The following RIPOR2 variants were observed in gnomAD, a reference collection of about 807,000 sequenced individuals.
RIPOR2 encodes rho family-interacting cell polarization regulator 2.
RIPOR2 carries 39 observed loss-of-function variants against 114.5 expected under a neutral mutation model. That is an observed-to-expected ratio of 0.34 (90% CI 0.26 to 0.44). The LOEUF (loss-of-function observed/expected upper bound fraction) is 0.44, where lower values mean the gene tolerates loss of function less well. Ranked by LOEUF, RIPOR2 falls within the 20% of genes least tolerant of loss-of-function variation. The pLI is 1.00. For missense variants in RIPOR2, 1,007 were observed against 1,255.1 expected (o/e 0.80, Z 2.99); for synonymous variants, 445 against 484.4 (o/e 0.92, Z 1.07).
At chr6:24,983,050 G>T (rs977034061) in intron 1 of RIPOR2, among the ~76,000 whole-genome samples, 3 of 152,020 alleles carry the variant, frequency 2.0e-5, no homozygotes, top group African/African-American at 7.2e-5. Context: ...TTAAAAACCT[G>T]CTTGTAACTG....
intron 1 of RIPOR2, among the ~76,000 whole-genome samples, chr6:24,993,067 T>A (rs1461156076): frequency 1.3e-5 from 2 of 152,174 alleles, no homozygotes; most frequent in Non-Finnish European, 2.9e-5. Context: ...TGTTTGTATT[T>A]CTGTCAGATC....
At chr6:24,828,989 G>T (rs1760436931) in intron 17 of RIPOR2, among the ~76,000 whole-genome samples, 1 of 152,050 alleles carries the variant, frequency 6.6e-6, no homozygotes, top group South Asian at 2.1e-4. Context: ...TCAAATTATT[G>T]ATTATAGCAA....
At chr6:24,947,122 A>G (rs1372314480) in intron 1 of RIPOR2, among the ~76,000 whole-genome samples, 3 of 152,166 alleles carry the variant, frequency 2.0e-5, no homozygotes, top group Non-Finnish European at 4.4e-5. Context: ...TGTTTTTTTA[A>G]AGATTCCGTG....
intron 1 of RIPOR2, among the ~76,000 whole-genome samples, chr6:24,929,627 C>T (rs1257284327): frequency 3.3e-5 from 5 of 152,122 alleles, no homozygotes; most frequent in African/African-American, 9.7e-5. Context: ...TCAACTAATA[C>T]CTTTTCTCTT....
At chr6:24,822,322 C>T (rs1033819209) in intron 19 of RIPOR2, among the ~76,000 whole-genome samples, 2 of 152,184 alleles carry the variant, frequency 1.3e-5, no homozygotes, top group Admixed American at 1.3e-4. Context: ...AATATTGTAA[C>T]CATGTGTGTA....
chr6:24,863,055 C>T (rs1337099563), intron 7 of RIPOR2, among the ~76,000 whole-genome samples: 3 of 151,976 alleles, frequency 2.0e-5, no homozygotes, highest in African/African-American at 4.8e-5. Context: ...CAGGTTCAAG[C>T]GATTCTCCTG....
At chr6:24,865,898 T>C (rs1169835604) in intron 6 of RIPOR2, among the ~76,000 whole-genome samples, 1 of 152,174 alleles carries the variant, frequency 6.6e-6, no homozygotes, top group Non-Finnish European at 1.5e-5. Context: ...GAGAGCCTTC[T>C]GTATATAGAA....
intron 1 of RIPOR2, among the ~76,000 whole-genome samples, chr6:24,934,071 G>A (rs1329810747): frequency 6.6e-6 from 1 of 152,158 alleles, no homozygotes; most frequent in East Asian, 1.9e-4. Flanking sequence ...AGATGTAAAA[G>A]AGCAAAATTC....
chr6:24,936,064 T>C, upstream of RIPOR2: 1 of 586,944 alleles, frequency 1.7e-6, no homozygotes, highest in Admixed American at 3.1e-5. Flanking sequence ...AATAGGCTTC[T>C]TGAGCCTTGT....
chr6:24,940,256 C>A (rs1420174399), upstream of RIPOR2, among the ~76,000 whole-genome samples: 1 of 152,036 alleles, frequency 6.6e-6, no homozygotes, highest in African/African-American at 2.4e-5. Context: ...CAGGAGGAAA[C>A]CATACTAGTG....
chr6:24,834,595 T>C (rs1446241244), intron 15 of RIPOR2, among the ~76,000 whole-genome samples: 2 of 152,140 alleles, frequency 1.3e-5, no homozygotes, highest in Non-Finnish European at 2.9e-5. Flanking sequence ...GTCTGCGTTC[T>C]GCATCTATGC....
At chr6:24,835,228 C>T (rs562981527) in intron 15 of RIPOR2, among the ~76,000 whole-genome samples, 2 of 152,320 alleles carry the variant, frequency 1.3e-5, no homozygotes, top group Non-Finnish European at 2.9e-5. Context: ...AGAATTATAT[C>T]TTAGCATTGC....
At chr6:24,863,277 C>A (rs1277603012) in intron 7 of RIPOR2, among the ~76,000 whole-genome samples, 1 of 152,052 alleles carries the variant, frequency 6.6e-6, no homozygotes, top group South Asian at 2.1e-4. Context: ...CCACCTGATA[C>A]CAAATGAGGT....
At chr6:25,010,730 T>A (rs1018459050) in intron 1 of RIPOR2, among the ~76,000 whole-genome samples, 2 of 152,188 alleles carry the variant, frequency 1.3e-5, no homozygotes, top group African/African-American at 2.4e-5. Flanking sequence ...TTCCTTCCAC[T>A]TCCACTCCGT....
chr6:24,884,672 CTG>C (rs1562311500), intron 1 of RIPOR2, among the ~76,000 whole-genome samples: 1 of 152,178 alleles, frequency 6.6e-6, no homozygotes, highest in Non-Finnish European at 1.5e-5. Flanking sequence ...GAACCTCACA[CTG>C]TATCTGTAGA....
intron 1 of RIPOR2, among the ~76,000 whole-genome samples, chr6:24,896,341 C>T (rs1221706389): frequency 6.6e-6 from 1 of 152,088 alleles, no homozygotes; most frequent in East Asian, 1.9e-4. Context: ...GCTTAAACAG[C>T]GAAAGGGTTC....
At chr6:24,837,884 T>C (rs1761259233) in intron 14 of RIPOR2, among the ~76,000 whole-genome samples, 1 of 152,072 alleles carries the variant, frequency 6.6e-6, no homozygotes, top group South Asian at 2.1e-4. Flanking sequence ...TCAGGGAGAT[T>C]TGTGAAGGTT....
At chr6:25,026,362 T>G (rs1776623348) in intron 1 of RIPOR2, among the ~76,000 whole-genome samples, 1 of 152,198 alleles carries the variant, frequency 6.6e-6, no homozygotes, top group Non-Finnish European at 1.5e-5. Context: ...TGATTGGGAT[T>G]TATGATAAGT....
At chr6:24,990,066 G>C (rs1391174971) in intron 1 of RIPOR2, among the ~76,000 whole-genome samples, 2 of 152,030 alleles carry the variant, frequency 1.3e-5, no homozygotes, top group Non-Finnish European at 2.9e-5. Flanking sequence ...ACCTTTTGTT[G>C]TGTCAATATA....
Sources: gnomAD v4.1 joint callset for allele counts (sites outside exome capture counted in the v4.1 genomes callset) on GRCh38, gnomAD v4.1.1 for gene constraint, MANE v1.5 for transcripts, NCBI Gene and HGNC (gene_info 2026-07-23, HGNC 2026-07-21) for gene names.